SLC26A4: variants seen among roughly 807,000 people sequenced by gnomAD.
SLC26A4 encodes solute carrier family 26 member 4, also known as pendrin.
A neutral mutation model predicts 90.4 loss-of-function variants in SLC26A4; 93 were observed. That is an observed-to-expected ratio of 1.03 (90% confidence interval 0.87 to 1.22). The LOEUF (loss-of-function observed/expected upper bound fraction) is 1.22. Among genes scored for constraint, SLC26A4 ranks in the 50% most tolerant of loss-of-function variants. The pLI, the probability that SLC26A4 is intolerant of heterozygous loss-of-function variation, is 0.00. For missense variants in SLC26A4, 1,127 were observed against 946.2 expected (o/e 1.19, Z -2.51); for synonymous variants, 393 against 354.6 (o/e 1.11, Z -1.22).
intron 6 of SLC26A4, among the ~76,000 whole-genome samples, chr7:107,675,856 G>A (rs534185410): frequency 1.3e-5 from 2 of 151,574 alleles, no homozygotes; most frequent in South Asian, 4.2e-4. Flanking sequence ...ACAGGCGTGA[G>A]CCACCGCGCC....
intron 18 of SLC26A4, among the ~76,000 whole-genome samples, chr7:107,708,614 G>A (rs1032787289): frequency 6.6e-6 from 1 of 152,118 alleles, no homozygotes; most frequent in Non-Finnish European, 1.5e-5. Context: ...AGCACTTTGG[G>A]AGGCAAAGGT....
chr7:107,675,151 TC>T (rs749047922), intron 6 of SLC26A4, 42 bp downstream of exon 6: 11 of 1,584,176 alleles, frequency 6.9e-6, no homozygotes, highest in Middle Eastern at 3.4e-4. Context: ...CACTGTTCAT[TC>T]CAGAAACAAT....
At chr7:107,701,462 T>C (rs2129318171) in intron 16 of SLC26A4, among the ~76,000 whole-genome samples, 1 of 152,182 alleles carries the variant, frequency 6.6e-6, no homozygotes, top group Admixed American at 6.5e-5. Context: ...TATACTTTAT[T>C]TTTACTGAAA....
At chr7:107,682,102 G>C (rs1451412411) in intron 6 of SLC26A4, among the ~76,000 whole-genome samples, 10 of 76,218 alleles carry the variant, frequency 1.3e-4, no homozygotes, top group African/African-American at 6.1e-4. Flanking sequence ...GGGCAAGAGA[G>C]CTAAAAAAAA....
At chr7:107,682,321 A>G (rs562938700) in intron 6 of SLC26A4, among the ~76,000 whole-genome samples, 1 of 152,028 alleles carries the variant, frequency 6.6e-6, no homozygotes, top group Non-Finnish European at 1.5e-5. Context: ...TAAAACTTAA[A>G]GTATAATTTA....
chr7:107,710,273 A>G, intron 19 of SLC26A4, 74 bp downstream of exon 19: 1 of 1,104,694 alleles, frequency 9.1e-7, no homozygotes, highest in Non-Finnish European at 1.4e-6. Context: ...AACATTACAC[A>G]AGTCTAGTCT....
intron 4 of SLC26A4, 103 bp from the exon 5 acceptor site, chr7:107,674,061 C>T: frequency 8.4e-7 from 1 of 1,186,874 alleles, no homozygotes; most frequent in Non-Finnish European, 1.3e-6. Context: ...CAATATTTTC[C>T]TAGTCACAGC....
chr7:107,669,038 A>G (rs1250186845), intron 3 of SLC26A4, among the ~76,000 whole-genome samples: 2 of 152,072 alleles, frequency 1.3e-5, no homozygotes, highest in Non-Finnish European at 2.9e-5. Flanking sequence ...GCTCACTGCA[A>G]CCACTGCCTC....
chr7:107,715,317 T>A, intron 20 of SLC26A4, 106 bp from the exon 21 acceptor site: 1 of 856,622 alleles, frequency 1.2e-6, no homozygotes, highest in Non-Finnish European at 2.0e-6. Context: ...CTAAGATGAG[T>A]AGCAGTAAGC....
intron 18 of SLC26A4, among the ~76,000 whole-genome samples, chr7:107,705,579 T>C (rs1361361818): frequency 1.3e-5 from 2 of 152,194 alleles, no homozygotes; most frequent in African/African-American, 4.8e-5. Flanking sequence ...GAACAAGAAG[T>C]GTCACCCAAC....
chr7:107,665,930 T>C (rs1380202778), intron 3 of SLC26A4, among the ~76,000 whole-genome samples: 1 of 152,228 alleles, frequency 6.6e-6, no homozygotes, highest in African/African-American at 2.4e-5. Context: ...TAAAGTTTTC[T>C]GTGTAAGGTG....
At position 107,661,944 on chromosome 7, in the gene SLC26A4, G is replaced by T; in HGVS notation, c.164+139G>T. On this transcript the variant is annotated intron_variant, in intron 2 of 20. Transcript: ENST00000644269. The surrounding 1 kb of genome is among the most constrained non-coding windows in gnomAD (Gnocchi z 5.1). ...CGCCAGCTGCTTCTCCCAGAGGCCC[G>T]ACTTTCGGTCTCCGGTCCTCCACGC... The T allele has an allele frequency of 1.0e-6, 1 of 958,274 alleles. No homozygotes were observed. Among genetic ancestry groups the T allele is most frequent in the Non-Finnish European group, 1.5e-6 (1 of 663,056 alleles). 59.4% of individuals were successfully genotyped at this position (958,274 alleles called of 1,614,324 possible).
chr7:107,678,185 A>G (rs927186384), intron 6 of SLC26A4, among the ~76,000 whole-genome samples: 2 of 152,134 alleles, frequency 1.3e-5, no homozygotes, highest in Non-Finnish European at 2.9e-5. Flanking sequence ...CATTTTCTCC[A>G]TCAAATGTTC....
chr7:107,672,925 C>T (rs1790914261), intron 4 of SLC26A4, among the ~76,000 whole-genome samples: 1 of 152,238 alleles, frequency 6.6e-6, no homozygotes, highest in Non-Finnish European at 1.5e-5. Context: ...TTTGCTCCTA[C>T]ATCCATCTGC....
rs1420159435 is a variant in SLC26A4, at chr7:107,674,988, T to C, written c.644T>C (p.Leu215Ser). 1 of 1,614,126 alleles carries C rather than the reference T, an allele frequency of 6.2e-7. No individual in the cohort carries two copies. The highest frequency in any genetic ancestry group is 1.7e-5 in the Admixed American group (1 of 60,018). The change falls in exon 6 of 21, where the codon TTG becomes TCG. Residue 215 changes from leucine to serine, a missense_variant. Coordinates refer to ENST00000644269, the MANE Select transcript of SLC26A4 (RefSeq NM_000441.2). ...CAGATTGGATTCATAGTGAGGTACTTGGCAGATCCTTTGGTTGGTGGCTTC... is the reference window on the plus strand; with the variant it reads ...CAGATTGGATTCATAGTGAGGTACTCGGCAGATCCTTTGGTTGGTGGCTTC... ...GLQIGFIVRYLADPLVGGFTT... is the reference protein window; with the variant it reads ...GLQIGFIVRYSADPLVGGFTT...
intron 20 of SLC26A4, among the ~76,000 whole-genome samples, chr7:107,714,091 T>A (rs1036795898): frequency 6.6e-6 from 1 of 151,920 alleles, no homozygotes; most frequent in African/African-American, 2.4e-5. Context: ...GATAATTTTT[T>A]TTTTTTGTAT....
intron 4 of SLC26A4, among the ~76,000 whole-genome samples, chr7:107,673,732 C>G (rs993025130): frequency 2.0e-5 from 3 of 151,984 alleles, no homozygotes; most frequent in African/African-American, 7.2e-5. Flanking sequence ...TTTTTAGCTT[C>G]TTTTTGTTGT....
chr7:107,674,519 A>AC lies in SLC26A4; in HGVS notation c.600+175dup, dbSNP rs1467882522. On this transcript the variant is annotated intron_variant, in intron 5 of 20. Coordinates refer to ENST00000644269, the MANE Select transcript of SLC26A4 (RefSeq NM_000441.2). Reference sequence around the variant, plus strand: ...GTCAGGTGCTAAAATAGTAAGCAAGACCCCACTTATTAAGGCTCACTTATC... The same window carrying AC: ...GTCAGGTGCTAAAATAGTAAGCAAGACCCCCACTTATTAAGGCTCACTTATC... Among the ~76,000 whole-genome samples the AC allele has an allele frequency of 1.8e-4, 27 of 152,188 alleles. 1 individual carries two copies. Among genetic ancestry groups the AC allele is most frequent in the Admixed American group, 3.3e-4 (5 of 15,282 alleles).
chr7:107,692,092 G>A (rs1186422501), intron 10 of SLC26A4: 7 of 1,288,826 alleles, frequency 5.4e-6, no homozygotes, highest in Non-Finnish European at 7.1e-6. Flanking sequence ...GTATGCCCAT[G>A]TAAAGTGACC....
Sources: allele counts gnomAD v4.1 joint callset (sites outside exome capture counted in the v4.1 genomes callset), GRCh38; gene constraint gnomAD v4.1.1; non-coding constraint Gnocchi (gnomAD v3.1); transcripts MANE v1.5; gene names NCBI Gene and HGNC (gene_info 2026-07-23, HGNC 2026-07-21).